CSMD1: variants seen among roughly 807,000 people sequenced by gnomAD.
CSMD1 encodes CUB and sushi domain-containing protein 1.
A neutral mutation model predicts 417.5 loss-of-function variants in CSMD1; 213 were observed. The observed-to-expected ratio is 0.51, with a 90% CI of 0.46 to 0.57. CSMD1 has a LOEUF of 0.57. Among genes scored for constraint, CSMD1 ranks in the 20% least tolerant of loss-of-function variants. The pLI is 0.00. For missense variants in CSMD1, 6,923 were observed against 4,529.7 expected (o/e 1.53, Z -15.17); for synonymous variants, 2,862 against 1,736.8 (o/e 1.65, Z -16.11).
At chr8:3,859,619 C>G (rs1027150596) in intron 5 of CSMD1, among the ~76,000 whole-genome samples, 1 of 152,124 alleles carries the variant, frequency 6.6e-6, no homozygotes, top group Non-Finnish European at 1.5e-5. Context: ...ATGGTGGGAG[C>G]TTTGGTTTAC....
intron 3 of CSMD1, among the ~76,000 whole-genome samples, chr8:4,177,572 C>A (rs997799254): frequency 1.3e-5 from 2 of 151,662 alleles, no homozygotes; most frequent in African/African-American, 2.4e-5. Context: ...CAAGAAATAA[C>A]TAAAATCAGA....
chr8:3,801,632 A>T (rs913864010), intron 5 of CSMD1, among the ~76,000 whole-genome samples: 1 of 151,600 alleles, frequency 6.6e-6, no homozygotes, highest in Admixed American at 6.6e-5. Context: ...TTTCTACCCA[A>T]GAAAACTGAA....
chr8:4,199,844 C>A (rs969597527), intron 3 of CSMD1, among the ~76,000 whole-genome samples: 1 of 152,114 alleles, frequency 6.6e-6, no homozygotes, highest in African/African-American at 2.4e-5. Context: ...AGCAACAAAA[C>A]TCTTCCTTTA....
Position 4,722,027 on chromosome 8 carries a change from G to C in CSMD1, c.86-84469C>G, listed in dbSNP as rs566195723. On this transcript the variant is annotated intron_variant, in intron 1 of 69. Transcript: ENST00000635120. ...ATTGGAGTGGGCTGGCATCGAATGA[G>C]GAGATGTCAGTCCAAAGTATGAAGT... Among the ~76,000 whole-genome samples, 22 of 152,244 alleles carry C rather than the reference G, an allele frequency of 1.4e-4. No individual in the cohort carries two copies. The South Asian group carries it at 4.3e-3, about 30-fold the overall frequency.
intron 11 of CSMD1, among the ~76,000 whole-genome samples, chr8:3,488,431 A>G (rs1456999831): frequency 2.0e-5 from 3 of 152,192 alleles, no homozygotes; most frequent in African/African-American, 2.4e-5. Context: ...TTGACCTTTT[A>G]CATTCAAGGC....
intron 3 of CSMD1, among the ~76,000 whole-genome samples, chr8:4,418,593 A>T (rs559503209): frequency 8.5e-5 from 13 of 152,318 alleles, no homozygotes; most frequent in African/African-American, 3.1e-4. Context: ...TGTTAACAGG[A>T]CAAAATATGC....
At chr8:3,969,780 G>A (rs986566601) in intron 5 of CSMD1, among the ~76,000 whole-genome samples, 20 of 152,118 alleles carry the variant, frequency 1.3e-4, no homozygotes, top group African/African-American at 4.8e-4. Flanking sequence ...TTAAATCACT[G>A]AAGAAGAAAT....
intron 5 of CSMD1, among the ~76,000 whole-genome samples, chr8:3,820,939 G>A (rs146382819): frequency 7.3e-5 from 11 of 151,666 alleles, no homozygotes; most frequent in South Asian, 6.3e-4. Flanking sequence ...TTTTTGAGCC[G>A]GAGTTTTGCT....
chr8:4,285,643 G>A (rs184633363), intron 3 of CSMD1, among the ~76,000 whole-genome samples: 2 of 152,192 alleles, frequency 1.3e-5, no homozygotes, highest in African/African-American at 2.4e-5. Flanking sequence ...AGCACAGATG[G>A]TTGGTCTTTG....
chr8:3,870,074 T>A (rs1352352064), intron 5 of CSMD1, among the ~76,000 whole-genome samples: 4 of 152,180 alleles, frequency 2.6e-5, no homozygotes, highest in Non-Finnish European at 5.9e-5. Context: ...CCTCTGGGTA[T>A]AATGATTATT....
At chr8:3,269,231 T>C (rs1423730076) in intron 26 of CSMD1, among the ~76,000 whole-genome samples, 3 of 152,200 alleles carry the variant, frequency 2.0e-5, no homozygotes, top group Non-Finnish European at 4.4e-5. Context: ...GCCTATGCTG[T>C]TCACAATCTA....
chr8:3,651,236 C>A (rs991258576), intron 7 of CSMD1, among the ~76,000 whole-genome samples: 3 of 152,138 alleles, frequency 2.0e-5, no homozygotes, highest in African/African-American at 7.2e-5. Flanking sequence ...TAAGACAGAT[C>A]GTATCACCCC....
chr8:4,435,502 C>G (rs746933653), intron 2 of CSMD1, among the ~76,000 whole-genome samples: 9 of 152,200 alleles, frequency 5.9e-5, no homozygotes, highest in Non-Finnish European at 8.8e-5. Flanking sequence ...TATGATTTGT[C>G]CAGGAAAACT....
chr8:3,992,714 G>A (rs1030816378), intron 5 of CSMD1, among the ~76,000 whole-genome samples: 2 of 152,202 alleles, frequency 1.3e-5, no homozygotes, highest in Non-Finnish European at 2.9e-5. Context: ...CCAGGAGTTT[G>A]AGGCTACAGT....
intron 2 of CSMD1, among the ~76,000 whole-genome samples, chr8:4,519,679 G>T (rs769566998): frequency 7.6e-6 from 1 of 131,090 alleles, no homozygotes; most frequent in Admixed American, 9.2e-5. Flanking sequence ...GGAGGCAGAG[G>T]TTACAGTGAG....
chr8:4,793,920 G>A (rs890020913), intron 1 of CSMD1, among the ~76,000 whole-genome samples: 4 of 151,832 alleles, frequency 2.6e-5, no homozygotes, highest in Admixed American at 6.6e-5. Flanking sequence ...AAAATGTGAT[G>A]TAAGTTGAGG....
chr8:4,815,065 T>G (rs1175370340), intron 1 of CSMD1, among the ~76,000 whole-genome samples: 3 of 152,154 alleles, frequency 2.0e-5, no homozygotes, highest in Non-Finnish European at 4.4e-5. Flanking sequence ...TGGAGGAAAT[T>G]AGGTAGTATC....
At chr8:3,078,429 C>T (rs1195620431) in intron 49 of CSMD1, among the ~76,000 whole-genome samples, 1 of 152,194 alleles carries the variant, frequency 6.6e-6, no homozygotes, top group Non-Finnish European at 1.5e-5. Flanking sequence ...AGCAAAATTA[C>T]ATGTCTTCAG....
chr8:4,307,926 G>A (rs989046855), intron 3 of CSMD1, among the ~76,000 whole-genome samples: 4 of 152,116 alleles, frequency 2.6e-5, no homozygotes, highest in African/African-American at 4.8e-5. Context: ...GAGGACCCCC[G>A]GATGCAAGGG....
Sources: allele counts gnomAD v4.1 joint callset (sites outside exome capture counted in the v4.1 genomes callset), GRCh38; gene constraint gnomAD v4.1.1; transcripts MANE v1.5; gene names NCBI Gene and HGNC (gene_info 2026-07-23, HGNC 2026-07-21).